Variants in NADSYN1 observed in about 807,000 individuals in gnomAD.
NADSYN1 encodes the protein NAD synthetase 1.
A neutral mutation model predicts 99.3 loss-of-function variants in NADSYN1; 80 were observed. That is an observed-to-expected ratio of 0.81 (90% confidence interval 0.67 to 0.97). The LOEUF is 0.97. Ranked by LOEUF, NADSYN1 falls within the 50% of genes least tolerant of loss-of-function variation. The pLI is 0.00. For missense variants in NADSYN1, 859 were observed against 948.5 expected, an observed-to-expected ratio of 0.91 and a Z score of 1.24; for synonymous variants, 385 against 372.1, an observed-to-expected ratio of 1.03 and a Z score of -0.40.
intron 6 of NADSYN1, among the ~76,000 whole-genome samples, chr11:71,472,748 C>T (rs1949635976): frequency 6.6e-6 from 1 of 152,224 alleles, no homozygotes; most frequent in Admixed American, 6.5e-5. Flanking sequence ...CACTGGCTTC[C>T]TCCTCTTCAT....
Position 71,497,541 on chromosome 11 carries a change from C to G in NADSYN1, c.1823C>G (p.Ala608Gly). ...LSVYGKLRKV[A>G]KMGPYSMFCK... ...GTCTATGGGAAACTCAGGAAGGTGG[C>G]CAAGATGGGGCCCTACAGCATGTTC... Residue 608 changes from alanine to glycine, a missense_variant, in exon 19 of 21, where the codon GCC becomes GGC. Ala to Gly is a moderately conservative substitution (Grantham distance 60, BLOSUM62 0). Coordinates refer to ENST00000319023, the MANE Select transcript of NADSYN1 (RefSeq NM_018161.5). 1 of 1,614,058 alleles carries G rather than the reference C, an allele frequency of 6.2e-7. No individual in the cohort carries two copies. Among genetic ancestry groups the G allele is most frequent in the Non-Finnish European group, 8.5e-7 (1 of 1,180,002 alleles).
chr11:71,465,052 A>C (rs1949578753), intron 5 of NADSYN1, among the ~76,000 whole-genome samples: 1 of 152,052 alleles, frequency 6.6e-6, no homozygotes, highest in African/African-American at 2.4e-5. Context: ...AAAGAGAGGC[A>C]GATTTATTAG....
At chr11:71,473,151 G>C (rs953744063) in intron 6 of NADSYN1, 127 bp from the exon 7 acceptor site, 5 of 894,214 alleles carry the variant, frequency 5.6e-6, no homozygotes, top group Non-Finnish European at 7.2e-6. Flanking sequence ...CCACCTCTTC[G>C]GAATGTGCGA....
At chr11:71,481,813 C>T (rs1008411033) in intron 12 of NADSYN1, 110 bp from the exon 13 acceptor site, 69 of 869,702 alleles carry the variant, frequency 7.9e-5, no homozygotes, top group Non-Finnish European at 1.1e-4. Context: ...CTAACACCCA[C>T]GTGCATTTCT....
chr11:71,501,055 G>A (rs1005202357), intron 20 of NADSYN1, among the ~76,000 whole-genome samples: 1 of 152,214 alleles, frequency 6.6e-6, no homozygotes, highest in African/African-American at 2.4e-5. Flanking sequence ...AGTGACGCAT[G>A]TGGGAGCATC....
chr11:71,453,776 T>C (rs1949495903), intron 1 of NADSYN1, among the ~76,000 whole-genome samples: 1 of 151,964 alleles, frequency 6.6e-6, no homozygotes, highest in South Asian at 2.1e-4. Flanking sequence ...AGATTGATGG[T>C]CTCTGGTCCC....
intron 5 of NADSYN1, among the ~76,000 whole-genome samples, chr11:71,465,638 AATGTCCCC>A (rs1452918697): frequency 1.3e-5 from 2 of 152,190 alleles, no homozygotes; most frequent in African/African-American, 4.8e-5. Flanking sequence ...GACAACCAAA[AATGTCCCC>A]AGACATTACC....
intron 15 of NADSYN1, chr11:71,484,786 C>T: frequency 6.7e-6 from 2 of 299,970 alleles, no homozygotes; most frequent in South Asian, 9.3e-5. Flanking sequence ...TGAGTGTGAG[C>T]CTGAGCGTGA....
chr11:71,461,452 A>G (rs145707640), intron 3 of NADSYN1, among the ~76,000 whole-genome samples: 3,213 of 152,230 alleles, frequency 0.021, 48 homozygotes, highest in Non-Finnish European at 0.033. Flanking sequence ...TTTTTGAGAC[A>G]GAGTCTCACT....
At chr11:71,467,950 A>G (rs1949603502) in intron 5 of NADSYN1, among the ~76,000 whole-genome samples, 1 of 152,242 alleles carries the variant, frequency 6.6e-6, no homozygotes, top group Admixed American at 6.5e-5. Context: ...AGACACAGAG[A>G]AATTCTCAAA....
At chr11:71,469,104 A>G (rs368567783) in intron 5 of NADSYN1, among the ~76,000 whole-genome samples, 7 of 152,266 alleles carry the variant, frequency 4.6e-5, no homozygotes, top group African/African-American at 1.7e-4. Flanking sequence ...AATTCAATAA[A>G]CTGGCTCTAA....
intron 7 of NADSYN1, 57 bp from the exon 8 acceptor site, chr11:71,473,512 G>A (rs113246861): frequency 4.1e-5 from 63 of 1,553,078 alleles, no homozygotes; most frequent in African/African-American, 1.2e-4. Flanking sequence ...GGGCTGCCAG[G>A]GAGGCTGGTT....
At chr11:71,476,802 G>T (rs1444185787) in intron 9 of NADSYN1, 5 of 985,650 alleles carry the variant, frequency 5.1e-6, no homozygotes, top group Middle Eastern at 5.2e-4. Context: ...CAGGACCCCC[G>T]CAGGTTCCCG....
At chr11:71,459,236 T>G (rs1949533373) in intron 3 of NADSYN1, among the ~76,000 whole-genome samples, 1 of 148,240 alleles carries the variant, frequency 6.7e-6, no homozygotes, top group African/African-American at 2.5e-5. Flanking sequence ...TAGCCGCCCC[T>G]ATGGAGGCCT....
chr11:71,487,603 A>G (rs1303205853), intron 16 of NADSYN1, among the ~76,000 whole-genome samples: 1 of 152,038 alleles, frequency 6.6e-6, no homozygotes, highest in East Asian at 1.9e-4. Context: ...AGGCTGAGGC[A>G]GGCAGATCAC....
rs1237240737 is a variant in NADSYN1 at position 71,455,411 on chromosome 11, G to C, written c.146+241G>C. 1.7e-5 allele frequency: 8 copies of C among 469,390 alleles called. 1 individual carries two copies. Among genetic ancestry groups the C allele is most frequent in the East Asian group, 1.3e-4 (4 of 29,882 alleles). The allele number at this position is 469,390 out of a possible 1,614,324, so 29.1% of individuals were successfully genotyped here. ...ACTGACTTTTACCAGATGAAGGCCA[G>C]TTTCAAAGTTGGGCTGCTTCTGTGT... On this transcript the variant is annotated intron_variant, in intron 2 of 20. Transcript: ENST00000319023.
At chr11:71,463,940 T>G (rs1261019147) in intron 4 of NADSYN1, 113 bp from the exon 5 acceptor site, 1 of 884,872 alleles carries the variant, frequency 1.1e-6, no homozygotes, top group African/African-American at 1.7e-5. Context: ...CGGGGCCCCA[T>G]TCTCAAGCTG....
At chr11:71,483,986 C>T (rs11607157) in intron 14 of NADSYN1, among the ~76,000 whole-genome samples, 32,989 of 152,098 alleles carry the variant, frequency 0.22, 4,880 homozygotes, top group Non-Finnish European at 0.34. Flanking sequence ...TCCATTTCCA[C>T]GCAATGTCCA....
At chr11:71,471,148 G>T (rs1369146348) in intron 5 of NADSYN1, among the ~76,000 whole-genome samples, 1 of 152,124 alleles carries the variant, frequency 6.6e-6, no homozygotes, top group Non-Finnish European at 1.5e-5. Flanking sequence ...TCTCATGAAC[G>T]CCTCGGTGTC....
Sources: gnomAD v4.1 joint callset for allele counts (sites outside exome capture counted in the v4.1 genomes callset) on GRCh38, gnomAD v4.1.1 for gene constraint, MANE v1.5 for transcripts, NCBI Gene and HGNC (gene_info 2026-07-23, HGNC 2026-07-21) for gene names.